The following SNX29 variants were observed in gnomAD, a reference collection of about 807,000 sequenced individuals.
SNX29 encodes sorting nexin 29, also known as sorting nexin-29.
A neutral mutation model predicts 102.1 loss-of-function variants in SNX29; 78 were observed. The observed-to-expected ratio is 0.76, with a 90% CI of 0.64 to 0.92. SNX29 has a LOEUF of 0.92. Ranked by LOEUF, SNX29 falls within the 40% of genes least tolerant of loss-of-function variation. The probability of loss-of-function intolerance (pLI) is 0.00; values close to 1 mark genes in which losing one functional copy is unlikely to be tolerated. For synonymous variants in SNX29, 580 were observed against 414.5 expected (o/e 1.40, Z -4.85); for missense variants, 1,280 against 1,061.7 (o/e 1.21, Z -2.86).
chr16:12,469,054 C>T (rs1463804623), intron 18 of SNX29, among the ~76,000 whole-genome samples: 4 of 152,136 alleles, frequency 2.6e-5, no homozygotes, highest in South Asian at 2.1e-4. Flanking sequence ...TACGGTACCA[C>T]GGTTCCAGGT....
In SNX29 at chr16:12,572,034, C is replaced by A. The variant is rs2079198850; in HGVS notation, c.*3405C>A. 5 of 1,063,120 alleles carry A rather than the reference C, an allele frequency of 4.7e-6. No individual in the cohort carries two copies. Among genetic ancestry groups the A allele is most frequent in the Non-Finnish European group, 5.7e-6 (5 of 878,040 alleles). The allele number at this position is 1,063,120 out of a possible 1,614,324, so 65.9% of individuals were successfully genotyped here. On this transcript the variant is annotated 3_prime_UTR_variant, in exon 21 of 21. Coordinates refer to ENST00000566228, the MANE Select transcript of SNX29 (RefSeq NM_032167.5). ...AGCTGCTGGCTATAAAAGGGATCAT[C>A]CAGTGGAGTTGTAAACAAGGGAACC... is the stretch of plus-strand genomic sequence containing the variant.
At chr16:12,551,969 AAC>A (rs2078005300) in intron 20 of SNX29, among the ~76,000 whole-genome samples, 1 of 152,172 alleles carries the variant, frequency 6.6e-6, no homozygotes, top group Non-Finnish European at 1.5e-5. Context: ...GGCTGTGCCC[AAC>A]ACAGTGCCAT....
At chr16:12,543,653 A>C (rs2077447812) in intron 20 of SNX29, among the ~76,000 whole-genome samples, 1 of 151,916 alleles carries the variant, frequency 6.6e-6, no homozygotes, top group Non-Finnish European at 1.5e-5. Context: ...GTCTGTCTCC[A>C]GACGCTCTTC....
At chr16:12,046,244 G>T (rs1159657873) in intron 5 of SNX29, 140 bp from the exon 6 acceptor site, 4 of 778,428 alleles carry the variant, frequency 5.1e-6, no homozygotes, top group Non-Finnish European at 8.7e-6. Flanking sequence ...CTGTAAACCA[G>T]CAGAGACCTC....
intron 14 of SNX29, among the ~76,000 whole-genome samples, chr16:12,238,103 G>A (rs560389670): frequency 3.3e-5 from 5 of 152,292 alleles, no homozygotes; most frequent in African/African-American, 1.2e-4. Context: ...CCTCGGTGGA[G>A]GGGCAGTGGG....
At chr16:12,540,850 T>C (rs997742888) in intron 20 of SNX29, among the ~76,000 whole-genome samples, 16 of 152,154 alleles carry the variant, frequency 1.1e-4, no homozygotes, top group African/African-American at 3.1e-4. Context: ...CCTCCACCCT[T>C]TCTGAGCAGG....
At chr16:12,376,377 C>G (rs901151214) in intron 16 of SNX29, among the ~76,000 whole-genome samples, 1 of 152,200 alleles carries the variant, frequency 6.6e-6, no homozygotes, top group Admixed American at 6.5e-5. Flanking sequence ...CACAAATCAT[C>G]TGAGCCAAAA....
intron 18 of SNX29, among the ~76,000 whole-genome samples, chr16:12,456,604 G>A (rs1285274218): frequency 6.6e-6 from 1 of 152,072 alleles, no homozygotes; most frequent in Admixed American, 6.6e-5. Flanking sequence ...GCACCTGGTA[G>A]TGTGTGCATG....
chr16:12,547,533 G>A (rs2077684366), intron 20 of SNX29, among the ~76,000 whole-genome samples: 1 of 152,100 alleles, frequency 6.6e-6, no homozygotes, highest in Non-Finnish European at 1.5e-5. Context: ...AAGAGGAACT[G>A]GAAGAACAGA....
chr16:12,559,657 G>C (rs1477681965), intron 20 of SNX29, among the ~76,000 whole-genome samples: 2 of 151,994 alleles, frequency 1.3e-5, no homozygotes, highest in East Asian at 1.9e-4. Flanking sequence ...GCCACATTCT[G>C]CTTCTCTACC....
intron 16 of SNX29, among the ~76,000 whole-genome samples, chr16:12,389,445 G>A (rs938972518): frequency 2.0e-5 from 3 of 152,022 alleles, no homozygotes; most frequent in Non-Finnish European, 2.9e-5. Context: ...TTCCGCTTTC[G>A]CTTGGCTCTC....
At chr16:12,074,596 C>T (rs912068799) in intron 10 of SNX29, among the ~76,000 whole-genome samples, 1 of 152,160 alleles carries the variant, frequency 6.6e-6, no homozygotes. Context: ...CTGCCCTTAA[C>T]ATTTTTTCCT....
chr16:12,290,586 T>G (rs375387817), intron 15 of SNX29, among the ~76,000 whole-genome samples: 1 of 152,338 alleles, frequency 6.6e-6, no homozygotes, highest in East Asian at 1.9e-4. Flanking sequence ...ATTTAATAAT[T>G]TTTTTGGTTG....
At chr16:12,567,884 C>T (rs1056857314) in intron 20 of SNX29, among the ~76,000 whole-genome samples, 1 of 152,182 alleles carries the variant, frequency 6.6e-6, no homozygotes, top group Non-Finnish European at 1.5e-5. Context: ...GAGGGCCTCC[C>T]ACACAACCCA....
intron 14 of SNX29, among the ~76,000 whole-genome samples, chr16:12,238,039 T>TG (rs2077989382): frequency 6.6e-6 from 1 of 152,014 alleles, no homozygotes; most frequent in South Asian, 2.1e-4. Context: ...TAACTGGGTG[T>TG]GGGGGTTGAG....
intron 3 of SNX29, among the ~76,000 whole-genome samples, chr16:12,016,211 A>T (rs988365001): frequency 2.6e-5 from 4 of 152,210 alleles, no homozygotes; most frequent in Admixed American, 2.6e-4. Flanking sequence ...CATGTTGCAG[A>T]TGTACAAACA....
rs548006178 is a variant in SNX29 at position 12,571,152 on chromosome 16, G to C, written c.*2523G>C. 4.5e-4 allele frequency: 104 copies of C among 230,768 alleles called. 1 individual carries two copies. The highest frequency in any genetic ancestry group is 2.2e-3 in the African/African-American group (96 of 43,618). 14.3% of individuals were successfully genotyped at this position (230,768 alleles called of 1,614,324 possible). A position where few individuals can be genotyped will look rare whatever the true frequency, so the allele number is the denominator to read the frequency against. On this transcript the variant is annotated 3_prime_UTR_variant, in exon 21 of 21. Coordinates refer to ENST00000566228, the MANE Select transcript of SNX29 (RefSeq NM_032167.5). ...ATGATTGGGTCCATCTTGCTGCTCAGAAGAATCCCGTCCTGCTCTCTAGTG... is the reference window on the plus strand; with the variant it reads ...ATGATTGGGTCCATCTTGCTGCTCACAAGAATCCCGTCCTGCTCTCTAGTG...
At chr16:12,406,418 C>T (rs1210179317) in intron 18 of SNX29, among the ~76,000 whole-genome samples, 1 of 152,162 alleles carries the variant, frequency 6.6e-6, no homozygotes, top group East Asian at 1.9e-4. Flanking sequence ...TCTACATTCC[C>T]GTGACAGCCA....
intron 1 of SNX29, among the ~76,000 whole-genome samples, chr16:11,990,132 A>G (rs567533335): frequency 2.0e-5 from 3 of 152,244 alleles, no homozygotes; most frequent in African/African-American, 7.2e-5. Flanking sequence ...TGAGGGTTAA[A>G]CGTATGTCTC....
Sources: gnomAD v4.1 joint callset for allele counts (sites outside exome capture counted in the v4.1 genomes callset) on GRCh38, gnomAD v4.1.1 for gene constraint, MANE v1.5 for transcripts, NCBI Gene and HGNC (gene_info 2026-07-23, HGNC 2026-07-21) for gene names.